Variants in EPHA6 observed in about 807,000 individuals in gnomAD.
EPHA6 encodes EPH receptor A6.
EPHA6 carries 50 observed loss-of-function variants against 112.0 expected under a neutral mutation model. That is an observed-to-expected ratio of 0.45 (90% CI 0.36 to 0.56). The LOEUF is 0.56. Ranked by LOEUF, EPHA6 falls within the 20% of genes least tolerant of loss-of-function variation. EPHA6 has a pLI of 0.00. For missense variants in EPHA6, 1,280 were observed against 1,417.4 expected (o/e 0.90, Z 1.56); for synonymous variants, 529 against 490.7 (o/e 1.08, Z -1.03).
chr3:97,264,123 T>C (rs1559837290), intron 5 of EPHA6, among the ~76,000 whole-genome samples: 1 of 152,194 alleles, frequency 6.6e-6, no homozygotes, highest in African/African-American at 2.4e-5. Flanking sequence ...ATCTTTGGGG[T>C]GTCACTTTCC....
chr3:96,940,175 C>CGTT (rs1553667180), intron 2 of EPHA6, among the ~76,000 whole-genome samples: 33 of 151,458 alleles, frequency 2.2e-4, no homozygotes, highest in African/African-American at 7.2e-4. Context: ...CTTTCTGTCT[C>CGTT]GATCTGTCTA....
chr3:97,307,634 T>C (rs2081375353), intron 5 of EPHA6, among the ~76,000 whole-genome samples: 1 of 151,212 alleles, frequency 6.6e-6, no homozygotes, highest in South Asian at 2.1e-4. Flanking sequence ...TTAAAGGTGA[T>C]GTCTACTCTT....
At chr3:97,644,457 A>C (rs2094039362) in intron 14 of EPHA6, among the ~76,000 whole-genome samples, 4 of 151,392 alleles carry the variant, frequency 2.6e-5, no homozygotes, top group Admixed American at 2.6e-4. Context: ...ACTGAAGGAA[A>C]TAGAGACACA....
intron 7 of EPHA6, among the ~76,000 whole-genome samples, chr3:97,454,381 A>G (rs555706810): frequency 2.0e-5 from 3 of 151,982 alleles, no homozygotes; most frequent in South Asian, 4.1e-4. Context: ...AATATGATTT[A>G]CAAAAATACT....
At chr3:97,533,158 C>T (rs1470629825) in intron 11 of EPHA6, among the ~76,000 whole-genome samples, 2 of 151,918 alleles carry the variant, frequency 1.3e-5, no homozygotes, top group Non-Finnish European at 2.9e-5. Context: ...TATATATTCA[C>T]TTTCATTTGA....
intron 14 of EPHA6, among the ~76,000 whole-genome samples, chr3:97,712,228 T>G (rs1476397805): frequency 2.6e-5 from 4 of 152,160 alleles, no homozygotes; most frequent in Non-Finnish European, 5.9e-5. Flanking sequence ...TAAAAATCAT[T>G]ATTTAAAATA....
chr3:97,324,417 C>CTTTCTTTCTTTCTT (rs1576964414), intron 5 of EPHA6, among the ~76,000 whole-genome samples: 1 of 126,978 alleles, frequency 7.9e-6, no homozygotes, highest in East Asian at 2.2e-4. Flanking sequence ...TTCTTTCTTT[C>CTTTCTTTCTTTCTT]TTTCTTTCTT....
rs529597267 is a variant in EPHA6, at chr3:97,088,966, A to G, written c.1114+100973A>G. Among the ~76,000 whole-genome samples, 43 of 152,280 alleles carry G rather than the reference A, an allele frequency of 2.8e-4. 1 individual carries two copies. The South Asian group carries it at 8.3e-3, about 29-fold the overall frequency. The stretch of plus-strand genomic sequence containing the variant: ...CATCTTTCTAAGGGCAGCATTCAGT[A>G]TGTTTTATCACCATTAAGGCACTAA... On this transcript the variant is annotated intron_variant, in intron 3 of 17. Coordinates refer to ENST00000389672, the MANE Select transcript of EPHA6 (RefSeq NM_001080448.3).
intron 3 of EPHA6, among the ~76,000 whole-genome samples, chr3:97,165,226 C>A (rs1235823887): frequency 2.6e-5 from 4 of 152,092 alleles, no homozygotes; most frequent in African/African-American, 4.8e-5. Flanking sequence ...CTTGGAGATA[C>A]CACCTATACT....
chr3:97,279,286 T>G (rs1164232794), intron 5 of EPHA6, among the ~76,000 whole-genome samples: 1 of 152,156 alleles, frequency 6.6e-6, no homozygotes, highest in African/African-American at 2.4e-5. Context: ...ATTAATAGTG[T>G]TCTTACTGTG....
In EPHA6 at chr3:97,659,508, T is replaced by G. The variant is rs369318082; in HGVS notation, c.2784+21426T>G. The stretch of plus-strand genomic sequence containing the variant: ...TGAGGCAGTGAGAGTTTCTACATAT[T>G]GGTTCAGTAGCTTGTATCAAATGTC... On this transcript the variant is annotated intron_variant, in intron 14 of 17. Coordinates refer to ENST00000389672, the MANE Select transcript of EPHA6 (RefSeq NM_001080448.3). Among the ~76,000 whole-genome samples, 34 of 152,116 alleles carry G rather than the reference T, an allele frequency of 2.2e-4. No individual in the cohort carries two copies. In the South Asian group the frequency reaches 2.7e-3, roughly 12 times the overall value.
At chr3:96,974,144 A>G (rs2042427403) in intron 2 of EPHA6, among the ~76,000 whole-genome samples, 1 of 146,862 alleles carries the variant, frequency 6.8e-6, no homozygotes, top group Non-Finnish European at 1.5e-5. Context: ...ACTTATAATT[A>G]TAAATAATGT....
chr3:96,862,255 GGTA>G (rs2036051198), intron 1 of EPHA6, among the ~76,000 whole-genome samples: 1 of 151,832 alleles, frequency 6.6e-6, no homozygotes, highest in Non-Finnish European at 1.5e-5. Context: ...AGCTATTGGA[GGTA>G]GTAGAGTGTT....
chr3:96,880,951 A>C (rs1376525250), intron 2 of EPHA6, among the ~76,000 whole-genome samples: 1 of 152,098 alleles, frequency 6.6e-6, no homozygotes, highest in Admixed American at 6.6e-5. Flanking sequence ...CTTTGTGCAC[A>C]TTTTGGTTAC....
At chr3:97,671,956 C>T (rs1388735287) in intron 14 of EPHA6, among the ~76,000 whole-genome samples, 1 of 152,204 alleles carries the variant, frequency 6.6e-6, no homozygotes, top group Non-Finnish European at 1.5e-5. Flanking sequence ...ACACCTTTGA[C>T]TGCCCCACTG....
intron 3 of EPHA6, among the ~76,000 whole-genome samples, chr3:97,194,064 A>G (rs1201675953): frequency 6.6e-6 from 1 of 151,876 alleles, no homozygotes; most frequent in Non-Finnish European, 1.5e-5. Context: ...TATTGTTTCA[A>G]TTTTATTTCT....
At chr3:97,655,324 A>G (rs1446904265) in intron 14 of EPHA6, among the ~76,000 whole-genome samples, 1 of 151,752 alleles carries the variant, frequency 6.6e-6, no homozygotes, top group Admixed American at 6.6e-5. Flanking sequence ...CTTCTTCCCC[A>G]GTAGTTTCCA....
rs556273415 is a variant in EPHA6 at position 97,643,105 on chromosome 3, C to G, written c.2784+5023C>G. Among the ~76,000 whole-genome samples the G allele has an allele frequency of 2.6e-5, 4 of 152,162 alleles. No homozygotes were observed. The East Asian group carries it at 7.7e-4, about 29-fold the overall frequency. On this transcript the variant is annotated intron_variant, in intron 14 of 17. Transcript: ENST00000389672. ...AACAGTGGATCTCTCGGCAGAAACC[C>G]TGCAAGCCAGAAGAGAGTGGGGGCC...
In EPHA6 at chr3:97,346,170, C is replaced by T. The variant is rs540704788; in HGVS notation, c.1607-58980C>T. 3.3e-5 allele frequency among the ~76,000 whole-genome samples: 5 copies of T among 152,026 alleles called. No individual in the cohort carries two copies. The South Asian group carries it at 6.2e-4, about 19-fold the overall frequency. The stretch of plus-strand genomic sequence containing the variant: ...TCATCAACTAATGAATTGTAATCTT[C>T]CTAAAGTCCTTGTGTTCTTCCCTTC... On this transcript the variant is annotated intron_variant, in intron 5 of 17. Transcript: ENST00000389672.
Sources: allele counts gnomAD v4.1 joint callset (sites outside exome capture counted in the v4.1 genomes callset), GRCh38; gene constraint gnomAD v4.1.1; transcripts MANE v1.5; gene names NCBI Gene and HGNC (gene_info 2026-07-23, HGNC 2026-07-21).